Variants in CNTNAP2 observed in about 807,000 individuals in gnomAD.
The protein encoded by CNTNAP2 is contactin-associated protein-like 2.
CNTNAP2 carries 98 observed loss-of-function variants against 155.2 expected under a neutral mutation model. The ratio of observed to expected loss-of-function variants is 0.63; its 90% CI spans 0.54 to 0.75. CNTNAP2 has a LOEUF of 0.75. Among genes scored for constraint, CNTNAP2 ranks in the 30% least tolerant of loss-of-function variants. The pLI, the probability that CNTNAP2 is intolerant of heterozygous loss-of-function variation, is 0.00. For synonymous variants in CNTNAP2, 651 were observed against 631.2 expected (o/e 1.03, Z -0.47); for missense variants, 1,727 against 1,688.1 (o/e 1.02, Z -0.40).
chr7:147,592,713 A>C (rs532968567), intron 12 of CNTNAP2, among the ~76,000 whole-genome samples: 1 of 152,310 alleles, frequency 6.6e-6, no homozygotes. Context: ...CATTTTCACG[A>C]CAAGAACAAA....
intron 13 of CNTNAP2, among the ~76,000 whole-genome samples, chr7:147,808,001 A>G (rs1798121055): frequency 6.6e-6 from 1 of 152,106 alleles, no homozygotes; most frequent in Non-Finnish European, 1.5e-5. Context: ...AAAAAAAATA[A>G]AAAGTAGTTT....
chr7:147,086,790 C>T (rs997559479), intron 4 of CNTNAP2, among the ~76,000 whole-genome samples: 1 of 152,126 alleles, frequency 6.6e-6, no homozygotes, highest in Non-Finnish European at 1.5e-5. Context: ...GTAGCACTTT[C>T]TCTAACTATA....
At chr7:147,523,522 A>ATCCTTCTTTCCTACCTT (rs1409989654) in intron 11 of CNTNAP2, among the ~76,000 whole-genome samples, 1 of 152,122 alleles carries the variant, frequency 6.6e-6, no homozygotes, top group East Asian at 1.9e-4. Context: ...TTTCCTACAT[A>ATCCTTCTTTCCTACCTT]TCCTTCTTTC....
intron 8 of CNTNAP2, among the ~76,000 whole-genome samples, chr7:147,201,608 A>G (rs1292782531): frequency 1.3e-5 from 2 of 152,192 alleles, no homozygotes; most frequent in Non-Finnish European, 2.9e-5. Context: ...GGGAGAATCA[A>G]ACAGTAACAC....
chr7:146,172,401 G>T (rs1798407995), intron 1 of CNTNAP2, among the ~76,000 whole-genome samples: 1 of 152,006 alleles, frequency 6.6e-6, no homozygotes, highest in Non-Finnish European at 1.5e-5. Context: ...CATATCAATA[G>T]TACCAAGGTT....
At chr7:148,293,067 C>G (rs1223408437) in intron 21 of CNTNAP2, among the ~76,000 whole-genome samples, 1 of 104,498 alleles carries the variant, frequency 9.6e-6, no homozygotes. Flanking sequence ...TCGTGATTGA[C>G]AAAAAATAAA....
chr7:146,551,029 A>G (rs934364979), intron 1 of CNTNAP2, among the ~76,000 whole-genome samples: 5 of 152,086 alleles, frequency 3.3e-5, no homozygotes, highest in Non-Finnish European at 7.3e-5. Context: ...TGATTTGGTA[A>G]CGTAAATATT....
Position 148,399,889 on chromosome 7 carries a change from G to A in CNTNAP2, c.3716-9502G>A, listed in dbSNP as rs554366677. 4.0e-5 allele frequency among the ~76,000 whole-genome samples: 6 copies of A among 150,890 alleles called. No homozygotes were observed. The South Asian group carries it at 8.6e-4, about 22-fold the overall frequency. ...TTTAAATTAAAACACACACACACAC[G>A]AGCAGCTGAAGACCTGAGTCACCAA... is the stretch of plus-strand genomic sequence containing the variant. On this transcript the variant is annotated intron_variant, in intron 22 of 23. Coordinates refer to ENST00000361727, the MANE Select transcript of CNTNAP2 (RefSeq NM_014141.6).
intron 4 of CNTNAP2, among the ~76,000 whole-genome samples, chr7:147,100,916 G>GT (rs1334967582): frequency 6.6e-6 from 1 of 152,178 alleles, no homozygotes; most frequent in Admixed American, 6.5e-5. Context: ...AATGTGAGAA[G>GT]TAAAATGATA....
rs1585170924 is a variant in CNTNAP2, at chr7:146,940,453, A to G, written c.402+100549A>G. On this transcript the variant is annotated intron_variant, in intron 3 of 23. Transcript: ENST00000361727. ...CGTGATCTGCCTGCCTCAGCCTCCC[A>G]AAGTGCTAGGATTACAGGCGTGAGC... 3.9e-5 allele frequency among the ~76,000 whole-genome samples: 6 copies of G among 152,092 alleles called. No homozygotes were observed. The East Asian group carries it at 1.2e-3, about 30-fold the overall frequency.
intron 9 of CNTNAP2, among the ~76,000 whole-genome samples, chr7:147,360,323 G>A (rs11769736): frequency 0.23 from 34,499 of 151,908 alleles, 4,299 homozygotes; most frequent in Non-Finnish European, 0.28. Flanking sequence ...TGATATTTCA[G>A]TATGTTAAGG....
At chr7:147,390,453 C>T (rs1467571467) in intron 9 of CNTNAP2, among the ~76,000 whole-genome samples, 3 of 152,058 alleles carry the variant, frequency 2.0e-5, no homozygotes, top group African/African-American at 7.2e-5. Context: ...CTTGATATTT[C>T]TTATAAGGCT....
At chr7:148,205,414 C>T (rs1307977188) in intron 18 of CNTNAP2, among the ~76,000 whole-genome samples, 3 of 152,218 alleles carry the variant, frequency 2.0e-5, no homozygotes, top group Non-Finnish European at 4.4e-5. Flanking sequence ...GAGGCAGAGT[C>T]ACTGGATTGG....
chr7:147,626,767 G>A (rs559539077), intron 12 of CNTNAP2, among the ~76,000 whole-genome samples: 5 of 152,284 alleles, frequency 3.3e-5, no homozygotes, highest in South Asian at 2.1e-4. Context: ...GGAAGGAGAA[G>A]ACAACACCTA....
At chr7:147,471,121 G>A (rs1237827827) in intron 10 of CNTNAP2, among the ~76,000 whole-genome samples, 2 of 152,128 alleles carry the variant, frequency 1.3e-5, no homozygotes, top group East Asian at 3.9e-4. Flanking sequence ...GAGGAGTGGA[G>A]ACAAAGCCTA....
rs143807460 is a variant in CNTNAP2, at chr7:146,872,048, G to A, written c.402+32144G>A. ...TGCCTGCAAGCAATGTTGGCTGATG[G>A]GAGAATGCTAGCTTATATTAAAAGG... On this transcript the variant is annotated intron_variant, in intron 3 of 23. Coordinates refer to ENST00000361727, the MANE Select transcript of CNTNAP2 (RefSeq NM_014141.6). Among the ~76,000 whole-genome samples, 833 of 151,974 alleles carry A rather than the reference G, an allele frequency of 5.5e-3. 9 individuals are homozygous for A. The highest frequency in any genetic ancestry group is 0.019 in the African/African-American group (767 of 41,404).
At chr7:146,979,862 C>T (rs1035948133) in intron 3 of CNTNAP2, among the ~76,000 whole-genome samples, 2 of 152,126 alleles carry the variant, frequency 1.3e-5, no homozygotes, top group African/African-American at 4.8e-5. Context: ...AAATATAAAT[C>T]AGATGATGAA....
At chr7:146,232,726 C>T (rs1363508550) in intron 1 of CNTNAP2, among the ~76,000 whole-genome samples, 1 of 152,162 alleles carries the variant, frequency 6.6e-6, no homozygotes. Context: ...AACTTACTTA[C>T]TCTGCACTTA....
At chr7:146,685,598 A>T (rs920405773) in intron 1 of CNTNAP2, among the ~76,000 whole-genome samples, 1 of 152,314 alleles carries the variant, frequency 6.6e-6, no homozygotes, top group African/African-American at 2.4e-5. Flanking sequence ...TTTCACACAG[A>T]ACAAATAAGT....
Sources: gnomAD v4.1 joint callset for allele counts (sites outside exome capture counted in the v4.1 genomes callset) on GRCh38, gnomAD v4.1.1 for gene constraint, MANE v1.5 for transcripts, NCBI Gene and HGNC (gene_info 2026-07-23, HGNC 2026-07-21) for gene names.